The following ATP8A2 variants were observed in gnomAD, a reference collection of about 807,000 sequenced individuals.
ATP8A2 encodes phospholipid-transporting ATPase IB.
In ATP8A2, 100 loss-of-function variants were observed where a neutral mutation model predicts 165.6. The observed-to-expected ratio is 0.60, with a 90% CI of 0.51 to 0.71. The LOEUF (loss-of-function observed/expected upper bound fraction) is 0.71, where lower values mean the gene tolerates loss of function less well. Ranked by LOEUF, ATP8A2 falls within the 30% of genes least tolerant of loss-of-function variation. The pLI, the probability that ATP8A2 is intolerant of heterozygous loss-of-function variation, is 0.00. For missense variants in ATP8A2, 1,227 were observed against 1,479.5 expected, an observed-to-expected ratio of 0.83 and a Z score of 2.80; for synonymous variants, 543 against 548.8, an observed-to-expected ratio of 0.99 and a Z score of 0.15.
chr13:25,886,688 A>G (rs1275506667), intron 33 of ATP8A2, among the ~76,000 whole-genome samples: 2 of 152,240 alleles, frequency 1.3e-5, no homozygotes, highest in Non-Finnish European at 2.9e-5. Context: ...GTGGCAGCCC[A>G]GAGCCTCTTC....
At chr13:25,788,109 C>T (rs1376650907) in intron 27 of ATP8A2, among the ~76,000 whole-genome samples, 1 of 152,218 alleles carries the variant, frequency 6.6e-6, no homozygotes, top group Non-Finnish European at 1.5e-5. Flanking sequence ...TAGTTTCCAG[C>T]TCAAGCCGTG....
intron 32 of ATP8A2, 84 bp from the exon 33 acceptor site, chr13:25,862,217 G>A: frequency 1.1e-6 from 1 of 900,590 alleles, no homozygotes; most frequent in South Asian, 1.4e-5. Context: ...TAGCTTGGAT[G>A]CAAGGATTCT....
rs2035929336 is a variant in ATP8A2 at position 25,474,249 on chromosome 13, G to T, written c.221+5128G>T. 2.0e-5 allele frequency among the ~76,000 whole-genome samples: 3 copies of T among 152,168 alleles called. No homozygotes were observed. In the East Asian group the frequency reaches 5.8e-4, roughly 29 times the overall value. The stretch of plus-strand genomic sequence containing the variant: ...GTAAGTTTTTGTTGGCTTTGCCAAG[G>T]TTAATTTTAAATAGAATATTACCTT... On this transcript the variant is annotated intron_variant, in intron 2 of 36. Coordinates refer to ENST00000381655, the MANE Select transcript of ATP8A2 (RefSeq NM_016529.6).
chr13:25,960,817 T>C (rs1955641803), intron 33 of ATP8A2, among the ~76,000 whole-genome samples: 1 of 152,140 alleles, frequency 6.6e-6, no homozygotes, highest in Non-Finnish European at 1.5e-5. Context: ...CCTCCCAAGC[T>C]ATCCCTGACC....
chr13:25,512,019 A>C (rs2037242895), intron 2 of ATP8A2, among the ~76,000 whole-genome samples: 1 of 151,902 alleles, frequency 6.6e-6, no homozygotes, highest in African/African-American at 2.4e-5. Flanking sequence ...TTTCCTAGGC[A>C]GAGGACCCTG....
At chr13:25,419,191 G>A (rs1353765684) in intron 1 of ATP8A2, among the ~76,000 whole-genome samples, 2 of 152,126 alleles carry the variant, frequency 1.3e-5, no homozygotes. Flanking sequence ...GTGACTCCAG[G>A]CACTTGGCCC....
chr13:25,476,424 G>A lies in ATP8A2; in HGVS notation c.221+7303G>A, dbSNP rs118146436. Among the ~76,000 whole-genome samples the A allele has an allele frequency of 1.8e-4, 27 of 152,010 alleles. No individual in the cohort carries two copies. The South Asian group carries it at 5.6e-3, about 32-fold the overall frequency. ...GCCCCTCAGACTCTCGAGTAGCTGC[G>A]ATTACAGGCACCCGCCACCACGGCC... On this transcript the variant is annotated intron_variant, in intron 2 of 36. Transcript: ENST00000381655.
intron 33 of ATP8A2, among the ~76,000 whole-genome samples, chr13:25,940,409 C>T (rs1448556664): frequency 6.6e-6 from 1 of 152,208 alleles, no homozygotes; most frequent in Non-Finnish European, 1.5e-5. Context: ...GCACCACTTT[C>T]CCTCTTGAGG....
At chr13:26,012,346 A>G (rs1956866550) in intron 35 of ATP8A2, among the ~76,000 whole-genome samples, 185 bp from the exon 36 acceptor site, 1 of 152,056 alleles carries the variant, frequency 6.6e-6, no homozygotes, top group African/African-American at 2.4e-5. Flanking sequence ...GTTTTCCACA[A>G]CAGGGAGCCA....
At chr13:25,476,621 CATT>C (rs2137556668) in intron 2 of ATP8A2, among the ~76,000 whole-genome samples, 1 of 152,272 alleles carries the variant, frequency 6.6e-6, no homozygotes, top group East Asian at 1.9e-4. Flanking sequence ...ATGTAAAGAT[CATT>C]ATCTTAAAAA....
At position 26,023,403 on chromosome 13, in the gene ATP8A2, T is replaced by G. The variant is rs1957114078; in HGVS notation, c.*3418T>G. The G allele has an allele frequency of 6.6e-6, 1 of 152,186 alleles. No homozygotes were observed. The allele number at this position is 152,186 out of a possible 1,614,324, so 9.4% of individuals were successfully genotyped here. A position where few individuals can be genotyped will look rare whatever the true frequency, so the allele number is the denominator to read the frequency against. On this transcript the variant is annotated 3_prime_UTR_variant, in exon 37 of 37. Coordinates refer to ENST00000381655, the MANE Select transcript of ATP8A2 (RefSeq NM_016529.6). ...AATTCTGTTGACATTTTCTTTCCCT[T>G]GACAAGGCTTCAGGTTCGTCTCACT...
chr13:25,582,093 G>A (rs988226853), intron 23 of ATP8A2, 136 bp downstream of exon 23: 4 of 864,278 alleles, frequency 4.6e-6, no homozygotes, highest in African/African-American at 1.7e-5. Flanking sequence ...CAAGGCTAAG[G>A]AAAATTGACC....
intron 33 of ATP8A2, among the ~76,000 whole-genome samples, chr13:25,920,788 G>A (rs566187839): frequency 7.2e-5 from 11 of 152,322 alleles, no homozygotes; most frequent in Non-Finnish European, 1.5e-4. Context: ...GAGAAAAACT[G>A]TTCGCATCCA....
intron 35 of ATP8A2, among the ~76,000 whole-genome samples, chr13:25,990,686 A>G (rs1956372881): frequency 6.6e-6 from 1 of 152,216 alleles, no homozygotes; most frequent in Non-Finnish European, 1.5e-5. Flanking sequence ...GTTTGTGGAT[A>G]TAGAATTTTA....
At chr13:25,428,308 A>G (rs1265863163) in intron 1 of ATP8A2, among the ~76,000 whole-genome samples, 1 of 152,198 alleles carries the variant, frequency 6.6e-6, no homozygotes, top group Non-Finnish European at 1.5e-5. Flanking sequence ...CTTCCTACAG[A>G]GTTCTGCACA....
intron 25 of ATP8A2, among the ~76,000 whole-genome samples, chr13:25,701,334 A>T (rs1379107105): frequency 6.6e-6 from 1 of 152,250 alleles, no homozygotes; most frequent in Non-Finnish European, 1.5e-5. Context: ...CAGGATGGAA[A>T]GAATGGTGGG....
chr13:25,954,030 G>A (rs9511988), intron 33 of ATP8A2, among the ~76,000 whole-genome samples: 59,308 of 151,738 alleles, frequency 0.39, 12,144 homozygotes, highest in Non-Finnish European at 0.46. Flanking sequence ...CTGGAAAGGG[G>A]GCTGAAGCCA....
intron 1 of ATP8A2, among the ~76,000 whole-genome samples, chr13:25,379,757 C>G (rs1357203945): frequency 6.6e-6 from 1 of 152,170 alleles, no homozygotes; most frequent in African/African-American, 2.4e-5. Context: ...TGTGCCGTTT[C>G]TGCTACGTCC....
intron 23 of ATP8A2, among the ~76,000 whole-genome samples, chr13:25,588,535 T>TA (rs1383288470): frequency 2.0e-5 from 3 of 152,284 alleles, no homozygotes; most frequent in Admixed American, 2.0e-4. Flanking sequence ...GGAGAATCCT[T>TA]ACTCCTCCCC....
Sources: gnomAD v4.1 joint callset for allele counts (sites outside exome capture counted in the v4.1 genomes callset) on GRCh38, gnomAD v4.1.1 for gene constraint, MANE v1.5 for transcripts, NCBI Gene and HGNC (gene_info 2026-07-23, HGNC 2026-07-21) for gene names.